Variants in ARHGEF3 observed in about 807,000 individuals in gnomAD.
ARHGEF3 encodes the protein 59.8 kDA protein.
Under a neutral mutation model 63.2 loss-of-function variants are expected in ARHGEF3, and 28 were observed. The observed-to-expected ratio is 0.44, with a 90% confidence interval of 0.33 to 0.61. The LOEUF (loss-of-function observed/expected upper bound fraction) is 0.61. Among genes scored for constraint, ARHGEF3 ranks in the 20% least tolerant of loss-of-function variants. The pLI, the probability that ARHGEF3 is intolerant of heterozygous loss-of-function variation, is 0.03. For synonymous variants in ARHGEF3, 266 were observed against 254.2 expected (o/e 1.05, Z -0.44); for missense variants, 533 against 659.3 (o/e 0.81, Z 2.10).
intron 2 of ARHGEF3, among the ~76,000 whole-genome samples, chr3:57,006,517 C>G (rs1448890716): frequency 6.6e-6 from 1 of 152,194 alleles, no homozygotes; most frequent in African/African-American, 2.4e-5. Context: ...CCAGAGCCCA[C>G]ATGCTGACAG....
intron 3 of ARHGEF3, among the ~76,000 whole-genome samples, chr3:56,939,320 T>A (rs1456531894): frequency 6.6e-6 from 1 of 152,214 alleles, no homozygotes; most frequent in Non-Finnish European, 1.5e-5. Context: ...GTTCTCGACA[T>A]CACCATCTCC....
chr3:57,012,122 G>A lies in ARHGEF3; in HGVS notation c.62+22966C>T, dbSNP rs570725895. Among the ~76,000 whole-genome samples, 22 of 152,280 alleles carry A rather than the reference G, an allele frequency of 1.4e-4. 1 individual carries two copies. The highest frequency in any genetic ancestry group is 4.8e-4 in the African/African-American group (20 of 41,570). On this transcript the variant is annotated intron_variant, in intron 2 of 12. Transcript: ENST00000338458. ...AATGGGGTCTACAGGAGATGGCCTC[G>A]TGACCTGCCTCAAAACCCAAGAGCC...
chr3:57,074,600 G>C (rs1236313927), intron 1 of ARHGEF3: 2 of 272,690 alleles, frequency 7.3e-6, no homozygotes, highest in Non-Finnish European at 1.5e-5. Context: ...TGGGAGGCAT[G>C]CATCTCCTGA....
chr3:57,007,764 A>T (rs1560127664), intron 2 of ARHGEF3, among the ~76,000 whole-genome samples: 1 of 152,190 alleles, frequency 6.6e-6, no homozygotes, highest in Non-Finnish European at 1.5e-5. Flanking sequence ...ACGCTGCAAT[A>T]GCTTGCAAAA....
Position 56,739,396 on chromosome 3 carries a change from C to CTTTTTTTT in ARHGEF3, c.871-2049_871-2042dup, listed in dbSNP as rs11309388. ...CTAGGATTGTTAAGTAATTATTTTC[C>CTTTTTTTT]TTTTTTTTTTTTTTTTTCAGTTGAG... On this transcript the variant is annotated intron_variant, in intron 7 of 9. Coordinates refer to ENST00000296315, the MANE Select transcript of ARHGEF3 (RefSeq NM_019555.3). Among the ~76,000 whole-genome samples, 3 of 133,430 alleles carry CTTTTTTTT rather than the reference C, an allele frequency of 2.2e-5. 1 individual carries two copies. The highest frequency in any genetic ancestry group is 3.2e-5 in the Non-Finnish European group (2 of 62,684). The allele number at this position is 133,430 out of a possible 152,430, so 87.5% of individuals were successfully genotyped here. A position where few individuals can be genotyped will look rare whatever the true frequency, so the allele number is the denominator to read the frequency against.
rs143274878 is a variant in ARHGEF3, at chr3:56,858,991, A to G, written c.192+23301T>C. ...AAAATGTTTTTAAATGGCGAAGACAAAAACAAAAAAATGTAGGATTATGAA... is the reference window on the plus strand; with the variant it reads ...AAAATGTTTTTAAATGGCGAAGACAGAAACAAAAAAATGTAGGATTATGAA... On this transcript the variant is annotated intron_variant, in intron 4 of 12. Coordinates refer to the ARHGEF3 transcript ENST00000338458. Among the ~76,000 whole-genome samples the G allele has an allele frequency of 3.9e-5, 6 of 152,304 alleles. No homozygotes were observed. In the East Asian group the frequency reaches 1.2e-3, roughly 29 times the overall value.
intron 3 of ARHGEF3, among the ~76,000 whole-genome samples, chr3:56,934,141 G>T (rs991343414): frequency 1.3e-5 from 2 of 152,152 alleles, no homozygotes; most frequent in African/African-American, 4.8e-5. Context: ...TGTGAAAATG[G>T]ACTAATACAT....
At chr3:56,960,586 G>C (rs1347974781) in intron 2 of ARHGEF3, 2 of 152,174 alleles carry the variant, frequency 1.3e-5, no homozygotes, top group Admixed American at 6.6e-5. Flanking sequence ...CTAGCTCCAA[G>C]AACAGCATTC....
At position 57,017,749 on chromosome 3, in the gene ARHGEF3, G is replaced by T. The variant is rs536126066; in HGVS notation, c.62+17339C>A. ...CTGTGAAAGCCACACATTGTCCCCA[G>T]TGGACAAAAGGCTGGACCCAGGAGA... On this transcript the variant is annotated intron_variant, in intron 2 of 12. Coordinates refer to the ARHGEF3 transcript ENST00000338458. Among the ~76,000 whole-genome samples the T allele has an allele frequency of 3.1e-3, 476 of 152,304 alleles. 8 individuals carry two copies. Among genetic ancestry groups the T allele is most frequent in the South Asian group, 0.029 (138 of 4,820 alleles).
At chr3:57,004,139 G>GCC (rs1368480912) in intron 2 of ARHGEF3, among the ~76,000 whole-genome samples, 4 of 152,182 alleles carry the variant, frequency 2.6e-5, no homozygotes, top group African/African-American at 9.7e-5. Flanking sequence ...TGCCCAGTGA[G>GCC]GTGCTGTGCG....
chr3:56,972,700 G>A (rs935578141), intron 2 of ARHGEF3, among the ~76,000 whole-genome samples: 1 of 152,038 alleles, frequency 6.6e-6, no homozygotes, highest in African/African-American at 2.4e-5. Context: ...AGTGGGGTAA[G>A]CAGTGAGCAA....
At chr3:56,995,657 GAGAGA>G (rs1560116582) in intron 2 of ARHGEF3, among the ~76,000 whole-genome samples, 4 of 122,366 alleles carry the variant, frequency 3.3e-5, no homozygotes, top group Non-Finnish European at 7.2e-5. Flanking sequence ...GAGAGAGAGA[GAGAGA>G]GAGAGAGAGA....
At chr3:56,767,973 C>A (rs1372863478) in intron 2 of ARHGEF3, among the ~76,000 whole-genome samples, 1 of 151,968 alleles carries the variant, frequency 6.6e-6, no homozygotes. Context: ...GTCTCAAACT[C>A]CTGACCTCAA....
intron 2 of ARHGEF3, among the ~76,000 whole-genome samples, chr3:56,755,409 A>G (rs978278964): frequency 5.3e-5 from 8 of 152,224 alleles, no homozygotes; most frequent in African/African-American, 1.2e-4. Flanking sequence ...GTGCAAGCAC[A>G]TATCAGGCCA....
rs942069347 is a variant in ARHGEF3 at position 56,934,893 on chromosome 3, G to A, written c.129+23930C>T. Among the ~76,000 whole-genome samples, 23 of 152,374 alleles carry A rather than the reference G, an allele frequency of 1.5e-4. 1 individual carries two copies. Among genetic ancestry groups the A allele is most frequent in the South Asian group, 4.1e-4 (2 of 4,832 alleles). On this transcript the variant is annotated intron_variant, in intron 3 of 12. Transcript: ENST00000338458. ...GGCAGCCAGCTCCACCTGCAGCCCC[G>A]CTGCGGGATCCACTAGGTGAAGCCA...
chr3:57,006,050 C>A (rs547922109), intron 2 of ARHGEF3, among the ~76,000 whole-genome samples: 3 of 152,278 alleles, frequency 2.0e-5, no homozygotes, highest in African/African-American at 7.2e-5. Flanking sequence ...AGCCTGATGG[C>A]CCCATAACTG....
At chr3:56,813,038 G>A (rs2038130268) in intron 4 of ARHGEF3, among the ~76,000 whole-genome samples, 2 of 152,178 alleles carry the variant, frequency 1.3e-5, no homozygotes, top group South Asian at 4.1e-4. Flanking sequence ...TGCAGGCTCA[G>A]AAAAACCAAA....
At chr3:56,916,690 C>T (rs1320587209) in intron 3 of ARHGEF3, among the ~76,000 whole-genome samples, 9 of 152,198 alleles carry the variant, frequency 5.9e-5, no homozygotes, top group Non-Finnish European at 7.3e-5. Flanking sequence ...AGCATCCCAT[C>T]GGCTGCAGCG....
chr3:56,933,200 T>TA (rs2042457998), intron 3 of ARHGEF3, among the ~76,000 whole-genome samples: 1 of 152,218 alleles, frequency 6.6e-6, no homozygotes, highest in African/African-American at 2.4e-5. Context: ...AGACTACATT[T>TA]AAAATTCATT....
Sources: gnomAD v4.1 joint callset for allele counts (sites outside exome capture counted in the v4.1 genomes callset) on GRCh38, gnomAD v4.1.1 for gene constraint, MANE v1.5 for transcripts, NCBI Gene and HGNC (gene_info 2026-07-23, HGNC 2026-07-21) for gene names.